Variants in AHCYL2 observed in about 807,000 individuals in gnomAD.
The protein encoded by AHCYL2 is adenosylhomocysteinase like 2.
In AHCYL2, 28 loss-of-function variants were observed where a neutral mutation model predicts 81.4. The observed-to-expected ratio is 0.34, with a 90% CI of 0.25 to 0.47. The LOEUF is 0.47. Among genes scored for constraint, AHCYL2 ranks in the 20% least tolerant of loss-of-function variants. The pLI is 1.00. For missense variants in AHCYL2, 551 were observed against 785.1 expected (o/e 0.70, Z 3.56); for synonymous variants, 272 against 290.2 (o/e 0.94, Z 0.64).
intron 1 of AHCYL2, among the ~76,000 whole-genome samples, chr7:129,243,828 C>G (rs1409360814): frequency 6.6e-6 from 1 of 151,162 alleles, no homozygotes; most frequent in Non-Finnish European, 1.5e-5. Flanking sequence ...CTCCTGGCCT[C>G]GTGATCCACC....
intron 1 of AHCYL2, among the ~76,000 whole-genome samples, chr7:129,244,014 G>C (rs1025081780): frequency 1.3e-5 from 2 of 150,388 alleles, no homozygotes; most frequent in African/African-American, 4.9e-5. Flanking sequence ...TTTTTTTGGT[G>C]GGGGGACAGT....
chr7:129,306,461 G>A (rs1477804357), intron 1 of AHCYL2, among the ~76,000 whole-genome samples: 2 of 151,874 alleles, frequency 1.3e-5, no homozygotes, highest in African/African-American at 2.4e-5. Context: ...CAATTTCATC[G>A]TTAAGTTTAT....
At chr7:129,258,556 C>CTT (rs56039495) in intron 1 of AHCYL2, among the ~76,000 whole-genome samples, 1 of 133,138 alleles carries the variant, frequency 7.5e-6, no homozygotes, top group Admixed American at 7.5e-5. Flanking sequence ...ATTTATCTTG[C>CTT]TTTTTTTTTT....
chr7:129,420,779 C>A (rs1432224468), intron 12 of AHCYL2, among the ~76,000 whole-genome samples: 1 of 152,006 alleles, frequency 6.6e-6, no homozygotes, highest in Non-Finnish European at 1.5e-5. Context: ...AACCACTGTG[C>A]CTTTCTCTTA....
chr7:129,378,212 T>G (rs1370829554), intron 1 of AHCYL2, among the ~76,000 whole-genome samples: 1 of 151,738 alleles, frequency 6.6e-6, no homozygotes, highest in Admixed American at 6.6e-5. Flanking sequence ...CTTGGGAGGC[T>G]GAGGCAGGAG....
At chr7:129,317,229 G>C (rs1016981899) in intron 1 of AHCYL2, among the ~76,000 whole-genome samples, 1 of 152,146 alleles carries the variant, frequency 6.6e-6, no homozygotes, top group African/African-American at 2.4e-5. Flanking sequence ...GTCTACAGAA[G>C]CCATCATGTG....
At chr7:129,327,966 T>A (rs1045235492) in intron 1 of AHCYL2, among the ~76,000 whole-genome samples, 2 of 151,972 alleles carry the variant, frequency 1.3e-5, no homozygotes, top group African/African-American at 4.8e-5. Context: ...GCTAATTTTT[T>A]AATTTTTCTT....
intron 1 of AHCYL2, among the ~76,000 whole-genome samples, chr7:129,330,278 G>A (rs562190246): frequency 3.5e-4 from 53 of 152,308 alleles, no homozygotes; most frequent in Non-Finnish European, 5.9e-4. Context: ...GATTTTAGGC[G>A]TGAGCCGCTG....
At position 129,427,374 on chromosome 7, in the gene AHCYL2, CACGAG is replaced by C; in HGVS notation, c.*330_*334del. The C allele has an allele frequency of 4.4e-6, 1 of 228,706 alleles. No homozygotes were observed. Among genetic ancestry groups the C allele is most frequent in the Non-Finnish European group, 8.5e-6 (1 of 117,838 alleles). 14.2% of individuals were successfully genotyped at this position (228,706 alleles called of 1,614,324 possible). ...GGCCGTTTTTCCTCTTGTCCAGGCTCACGAGTTAGTCCAGGGATTCCATACTCCCT... is the reference window on the plus strand; with the variant it reads ...GGCCGTTTTTCCTCTTGTCCAGGCTCTTAGTCCAGGGATTCCATACTCCCT... On this transcript the variant is annotated 3_prime_UTR_variant, in exon 17 of 17. Transcript: ENST00000325006. This position sits in a 1 kb window ranked among gnomAD's most constrained non-coding sequence, Gnocchi z 5.5.
chr7:129,314,359 T>C (rs1423176571), intron 1 of AHCYL2, among the ~76,000 whole-genome samples: 1 of 152,272 alleles, frequency 6.6e-6, no homozygotes, highest in Non-Finnish European at 1.5e-5. Context: ...GATTGTAAAC[T>C]CATTGACTGT....
chr7:129,330,187 A>C (rs113122151), intron 1 of AHCYL2, among the ~76,000 whole-genome samples: 1,703 of 152,110 alleles, frequency 0.011, 44 homozygotes, highest in African/African-American at 0.039. Context: ...TTCTTTGTAC[A>C]AGTGGGTTTT....
At chr7:129,386,772 C>T (rs1165014124) in intron 2 of AHCYL2, among the ~76,000 whole-genome samples, 3 of 152,170 alleles carry the variant, frequency 2.0e-5, no homozygotes, top group African/African-American at 7.2e-5. Context: ...AGAGTTAGGA[C>T]TCCAGTCTCA....
rs1478554784 is a variant in AHCYL2 at position 129,429,634 on chromosome 7, G to A, written c.*2589G>A. On this transcript the variant is annotated 3_prime_UTR_variant, in exon 17 of 17. Transcript: ENST00000325006. ...CCTGCCTCAGCTTCCTGAGTAGCTG[G>A]AACCACAGGTGTGTGCTACCGTGCC... The A allele has an allele frequency of 6.6e-6, 1 of 152,200 alleles. No individual in the cohort carries two copies. Among genetic ancestry groups the A allele is most frequent in the Non-Finnish European group, 1.5e-5 (1 of 68,064 alleles). The allele number at this position is 152,200 out of a possible 1,614,324, so 9.4% of individuals were successfully genotyped here. A position where few individuals can be genotyped will look rare whatever the true frequency, so the allele number is the denominator to read the frequency against.
intron 1 of AHCYL2, among the ~76,000 whole-genome samples, chr7:129,227,608 C>CAAAAA (rs57256611): frequency 1.2e-5 from 1 of 80,762 alleles, no homozygotes; most frequent in Non-Finnish European, 2.3e-5. Flanking sequence ...GACCTTGTCT[C>CAAAAA]AAAAAAAAAA....
Position 129,413,612 on chromosome 7 carries a change from C to A in AHCYL2, c.1385C>A (p.Thr462Asn). The A allele has an allele frequency of 6.2e-7, 1 of 1,614,032 alleles. No individual in the cohort carries two copies. Among genetic ancestry groups the A allele is most frequent in the Non-Finnish European group, 8.5e-7 (1 of 1,179,946 alleles). ...TTTTAAGGTAACAAGAATGTGGTAA[C>A]CAGAGAGCACTTGGACCGTATGAAG... The part of the protein sequence containing the change: ...ITCTGNKNVV[T>N]REHLDRMKNS... The change falls in exon 12 of 17, where the codon ACC (threonine) becomes AAC (asparagine). Residue 462 changes from threonine to asparagine, a missense_variant. Thr to Asn is a moderately conservative substitution (Grantham distance 65, BLOSUM62 0). This residue lies in a region of AHCYL2 where 316 missense variants were observed against 543.1 expected (regional missense o/e 0.58). Coordinates refer to ENST00000325006, the MANE Select transcript of AHCYL2 (RefSeq NM_015328.4).
intron 1 of AHCYL2, among the ~76,000 whole-genome samples, chr7:129,313,815 A>C (rs1797743216): frequency 6.6e-6 from 1 of 152,218 alleles, no homozygotes; most frequent in African/African-American, 2.4e-5. Context: ...CCATTTTAAC[A>C]TTTCTAAAGT....
intron 1 of AHCYL2, among the ~76,000 whole-genome samples, chr7:129,315,894 T>C (rs1247334767): frequency 6.6e-6 from 1 of 152,228 alleles, no homozygotes; most frequent in Non-Finnish European, 1.5e-5. Flanking sequence ...GGCTGAAATA[T>C]GAACAATATT....
intron 1 of AHCYL2, among the ~76,000 whole-genome samples, chr7:129,296,023 G>A (rs1431189870): frequency 6.6e-6 from 1 of 152,144 alleles, no homozygotes; most frequent in East Asian, 1.9e-4. Context: ...TTTAGATCTT[G>A]GAATCTTAGT....
intron 1 of AHCYL2, among the ~76,000 whole-genome samples, chr7:129,309,089 G>A (rs1178930388): frequency 6.6e-6 from 1 of 151,962 alleles, no homozygotes; most frequent in Non-Finnish European, 1.5e-5. Flanking sequence ...AAAATTAGCC[G>A]GGCGTGGCGG....
Sources: allele counts gnomAD v4.1 joint callset (sites outside exome capture counted in the v4.1 genomes callset), GRCh38; gene constraint gnomAD v4.1.1; regional missense constraint gnomAD v4.1.1; non-coding constraint Gnocchi (gnomAD v3.1); transcripts MANE v1.5; gene names NCBI Gene and HGNC (gene_info 2026-07-23, HGNC 2026-07-21).